The following TSACC variants were observed in gnomAD, a reference collection of about 807,000 sequenced individuals.
The protein encoded by TSACC is TSSK6-activating co-chaperone protein.
Under a neutral mutation model 6.9 loss-of-function variants are expected in TSACC, and 3 were observed. That is an observed-to-expected ratio of 0.43 (90% CI 0.20 to 1.12). The LOEUF is 1.12. Among genes scored for constraint, TSACC ranks in the 50% most tolerant of loss-of-function variants. The probability of loss-of-function intolerance (pLI) is 0.28; values close to 1 mark genes in which losing one functional copy is unlikely to be tolerated. For synonymous variants in TSACC, 54 were observed against 55.1 expected, an observed-to-expected ratio of 0.98 and a Z score of 0.09; for missense variants, 137 against 143.9, an observed-to-expected ratio of 0.95 and a Z score of 0.24.
At chr1:156,338,373 G>T (rs1665562737), upstream of TSACC, 8 of 610,396 alleles carry the variant, frequency 1.3e-5, no homozygotes, top group South Asian at 1.5e-4. Context: ...CCAATTGACA[G>T]CCTTAGTCCC....
Position 156,339,516 on chromosome 1 carries a change from G to A in TSACC, c.-124-118G>A, listed in dbSNP as rs1665696086. On this transcript the variant is annotated intron_variant, in intron 1 of 3. Transcript: ENST00000368254. The stretch of plus-strand genomic sequence containing the variant: ...ATTACTATTTTGTCCAGAAAAAAAA[G>A]GAAGCACTAAAGGAAAACTGTTTTC... The A allele has an allele frequency of 1.1e-5, 5 of 454,250 alleles. No homozygotes were observed. In the South Asian group the frequency reaches 1.7e-4, roughly 15 times the overall value. 28.1% of individuals were successfully genotyped at this position (454,250 alleles called of 1,614,324 possible).
intron 1 of TSACC, among the ~76,000 whole-genome samples, chr1:156,339,195 C>T (rs1665663180): frequency 6.6e-6 from 1 of 151,258 alleles, no homozygotes. Flanking sequence ...ACCCTGGAGA[C>T]GGAGGTTGCA....
chr1:156,343,536 G>A (rs899248511), intron 2 of TSACC, among the ~76,000 whole-genome samples: 9 of 152,110 alleles, frequency 5.9e-5, no homozygotes, highest in African/African-American at 2.2e-4. Flanking sequence ...AAATTTCTTA[G>A]ACACAGAATC....
At chr1:156,339,244 C>A (rs1665667794) in intron 1 of TSACC, among the ~76,000 whole-genome samples, 1 of 149,012 alleles carries the variant, frequency 6.7e-6, no homozygotes, top group Non-Finnish European at 1.5e-5. Context: ...AGCCTGGCGA[C>A]AGAGCGAGAC....
At position 156,340,566 on chromosome 1, in the gene TSACC, A is replaced by G. The variant is rs113917568; in HGVS notation, c.34+775A>G. On this transcript the variant is annotated intron_variant, in intron 2 of 3. Transcript: ENST00000368254. Reference sequence around the variant, plus strand: ...AACCTCTGCCTCCCGGGTTCAAGCAATTCTCCTGCCTCAGCTTCCCGAGTA... The same window carrying G: ...AACCTCTGCCTCCCGGGTTCAAGCAGTTCTCCTGCCTCAGCTTCCCGAGTA... Among the ~76,000 whole-genome samples, 189 of 151,392 alleles carry G rather than the reference A, an allele frequency of 1.2e-3. 1 individual carries two copies. Among genetic ancestry groups the G allele is most frequent in the African/African-American group, 4.3e-3 (179 of 41,192 alleles).
chr1:156,338,077 G>A, upstream of TSACC: 1 of 1,496,066 alleles, frequency 6.7e-7, no homozygotes, highest in Non-Finnish European at 9.1e-7. Flanking sequence ...GTGGGGGACG[G>A]AGCTGGGGCA....
Position 156,339,629 on chromosome 1 carries a change from TGCAGA to T in TSACC, c.-124-4_-124del. 1.7e-6 allele frequency: 2 copies of T among 1,165,934 alleles called. No homozygotes were observed. The highest frequency in any genetic ancestry group is 4.5e-5 in the Admixed American group (2 of 44,254). 72.2% of individuals were successfully genotyped at this position (1,165,934 alleles called of 1,614,324 possible). The stretch of plus-strand genomic sequence containing the variant: ...AAATAGAGTTTCCTACTTTTTCCTC[TGCAGA>T]TTGGAACAGGCTGAGATCTGCTGGA... On this transcript the variant is annotated splice_acceptor_variant and splice_polypyrimidine_tract_variant and 5_prime_UTR_variant and intron_variant, in exon 2 of 4. Transcript: ENST00000368254. LOFTEE classifies it low-confidence loss of function (5UTR_SPLICE).
At chr1:156,341,828 C>T (rs1029916438) in intron 2 of TSACC, among the ~76,000 whole-genome samples, 2 of 152,138 alleles carry the variant, frequency 1.3e-5, no homozygotes, top group Non-Finnish European at 2.9e-5. Flanking sequence ...CTTTGGAAGG[C>T]TGAGGCAGGC....
chr1:156,346,803 G>C lies in TSACC; in HGVS notation c.199G>C (p.Glu67Gln), dbSNP rs151057154. The C allele has an allele frequency of 5.1e-5, 83 of 1,614,164 alleles. No individual in the cohort carries two copies. The East Asian group carries it at 1.8e-3, about 35-fold the overall frequency. Residue 67 changes from glutamate (E) to glutamine (Q), a missense_variant, in exon 4 of 4, where the codon GAA becomes CAA. Glu to Gln is a conservative substitution (Grantham distance 29). Transcript: ENST00000368254. ...HKPKECLGLL[E>Q]CMYANLQLQT... Reference sequence around the variant, plus strand: ...GCCCAAGGAATGCCTAGGACTCCTGGAATGTATGTATGCAAACCTCCAGCT... The same window carrying C: ...GCCCAAGGAATGCCTAGGACTCCTGCAATGTATGTATGCAAACCTCCAGCT...
intron 1 of TSACC, 130 bp downstream of exon 1, chr1:156,338,735 A>T (rs1417319244): frequency 1.3e-5 from 2 of 155,414 alleles, no homozygotes; most frequent in African/African-American, 4.8e-5. Flanking sequence ...GACTCCAGCC[A>T]GCACATGGGG....
chr1:156,341,860 G>A (rs977405632), intron 2 of TSACC, among the ~76,000 whole-genome samples: 1 of 151,916 alleles, frequency 6.6e-6, no homozygotes, highest in Non-Finnish European at 1.5e-5. Context: ...TCAGGAGATC[G>A]AGACCATCCT....
At chr1:156,340,681 G>A (rs1408593277) in intron 2 of TSACC, among the ~76,000 whole-genome samples, 10 of 147,986 alleles carry the variant, frequency 6.8e-5, no homozygotes, top group Admixed American at 1.3e-4. Context: ...GGCTGGTTTC[G>A]AACTCCTGAC....
At chr1:156,337,961 A>C (rs1665516665), upstream of TSACC, among the ~76,000 whole-genome samples, 1 of 152,180 alleles carries the variant, frequency 6.6e-6, no homozygotes. Flanking sequence ...GAATAAGGCC[A>C]GTTTGAGTTT....
intron 3 of TSACC, among the ~76,000 whole-genome samples, chr1:156,344,971 G>A (rs1666089008): frequency 6.6e-6 from 1 of 152,216 alleles, no homozygotes. Flanking sequence ...TACTGGTAAT[G>A]TTAGTTAAAA....
At chr1:156,341,146 C>T (rs905079976) in intron 2 of TSACC, among the ~76,000 whole-genome samples, 3 of 152,184 alleles carry the variant, frequency 2.0e-5, no homozygotes, top group Admixed American at 2.0e-4. Flanking sequence ...GCTCACGATT[C>T]TACTAGAAAA....
intron 1 of TSACC, among the ~76,000 whole-genome samples, chr1:156,339,313 C>A (rs1326892193): frequency 1.3e-5 from 2 of 151,686 alleles, no homozygotes; most frequent in Admixed American, 1.3e-4. Context: ...TTTTTTCCCC[C>A]ACATCCATCC....
chr1:156,338,294 C>A, upstream of TSACC: 1 of 1,035,184 alleles, frequency 9.7e-7, no homozygotes, highest in Non-Finnish European at 1.5e-6. Context: ...AGGGCTTACA[C>A]CTCAACCCGC....
chr1:156,338,568 T>G lies in TSACC; in HGVS notation c.-162T>G, dbSNP rs1466402306. On this transcript the variant is annotated 5_prime_UTR_variant, in exon 1 of 4. Transcript: ENST00000368254. ...CTACGCATGTGTGTCAACTCTAGGG[T>G]TGGGTGCTGGGGTTGCGGCTTTCGG... The G allele has an allele frequency of 8.9e-6, 3 of 337,934 alleles. No individual in the cohort carries two copies. Among genetic ancestry groups the G allele is most frequent in the Non-Finnish European group, 1.7e-5 (3 of 179,754 alleles). 20.9% of individuals were successfully genotyped at this position (337,934 alleles called of 1,614,324 possible). A position where few individuals can be genotyped will look rare whatever the true frequency, so the allele number is the denominator to read the frequency against.
At chr1:156,344,743 A>G (rs1666078565) in intron 3 of TSACC, 35 bp downstream of exon 3, 3 of 1,608,104 alleles carry the variant, frequency 1.9e-6, no homozygotes, top group Non-Finnish European at 2.5e-6. Context: ...AATGGACTCA[A>G]CAGGGGGAAG....
Sources: allele counts gnomAD v4.1 joint callset (sites outside exome capture counted in the v4.1 genomes callset), GRCh38; gene constraint gnomAD v4.1.1; transcripts MANE v1.5; gene names NCBI Gene and HGNC (gene_info 2026-07-23, HGNC 2026-07-21).